Variants in CES1 observed in about 807,000 individuals in gnomAD.
CES1 encodes carboxylesterase 1, also known as liver carboxylesterase 1.
CES1 carries 50 observed loss-of-function variants against 53.0 expected under a neutral mutation model. That is an observed-to-expected ratio of 0.94 (90% CI 0.75 to 1.19). The LOEUF (loss-of-function observed/expected upper bound fraction) is 1.19. CES1 is among the 50% of genes most tolerant of loss of function. CES1 has a pLI of 0.00. For missense variants in CES1, 534 were observed against 538.0 expected (o/e 0.99, Z 0.07); for synonymous variants, 202 against 210.1 (o/e 0.96, Z 0.33).
At chr16:55,816,894 A>G in intron 8 of CES1, 30 bp downstream of exon 8, 1 of 1,611,980 alleles carries the variant, frequency 6.2e-7, no homozygotes, top group Non-Finnish European at 8.5e-7. Flanking sequence ...AAGACTCAAA[A>G]CCCGTAATCC....
intron 7 of CES1, among the ~76,000 whole-genome samples, chr16:55,817,491 G>A (rs2142328690): frequency 6.6e-6 from 1 of 152,316 alleles, no homozygotes; most frequent in Non-Finnish European, 1.5e-5. Context: ...ACTCACGCAA[G>A]CTCACTGAGT....
chr16:55,813,860 A>C (rs1321127903), intron 8 of CES1, among the ~76,000 whole-genome samples: 1 of 152,260 alleles, frequency 6.6e-6, no homozygotes, highest in African/African-American at 2.4e-5. Context: ...CGAAGAGGAC[A>C]CTTGTAAACA....
Position 55,828,770 on chromosome 16 carries a change from G to T in CES1, c.257C>A (p.Pro86His), listed in dbSNP as rs144498758. The change falls in exon 2 of 14, where the codon CCT (proline) becomes CAT (histidine). Residue 86 changes from proline (P) to histidine (H), a missense_variant. Physicochemically the swap from Pro to His is moderately conservative, Grantham distance 77. Around this residue, in one of 5 missense-constraint regions of CES1, gnomAD observed 164 missense variants for 162.4 expected, o/e 1.01. Transcript: ENST00000360526. Reference protein sequence around the residue: ...SFVKNATSYPPMCTQDPKAGQ... With the variant: ...SFVKNATSYPHMCTQDPKAGQ... ...AAGGACACATGCCGCAGCTTACATA[G>T]GAGGGTACGAGGTGGCATTCTTCAC... 2 of 1,613,424 alleles carry T rather than the reference G, an allele frequency of 1.2e-6. No homozygotes were observed. The highest frequency in any genetic ancestry group is 1.7e-6 in the Non-Finnish European group (2 of 1,179,294).
chr16:55,811,071 C>G, intron 9 of CES1, 61 bp from the exon 10 acceptor site: 16 of 1,392,600 alleles, frequency 1.1e-5, no homozygotes, highest in Non-Finnish European at 1.5e-5. Flanking sequence ...AAGAAACAAA[C>G]TGACCAACCA....
intron 7 of CES1, among the ~76,000 whole-genome samples, chr16:55,818,290 C>T (rs1404664088): frequency 1.3e-5 from 2 of 152,228 alleles, no homozygotes; most frequent in Non-Finnish European, 2.9e-5. Context: ...TCCTAAAGGT[C>T]CCCAAGTCCT....
rs149765979 is a variant in CES1 at position 55,826,350 on chromosome 16, T to C, written c.261-55A>G. ...GTTCAGCCAGATCTAAGCGAGGTGT[T>C]TTCTACGGCAGCGCCTTGGACTGGG... is the stretch of plus-strand genomic sequence containing the variant. On this transcript the variant is annotated intron_variant, in intron 2 of 13. Transcript: ENST00000360526. 1.3e-3 allele frequency: 2,136 copies of C among 1,605,518 alleles called. 19 individuals carry two copies. The African/African-American group carries it at 0.018, about 13-fold the overall frequency.
chr16:55,825,430 G>A (rs1297357291), intron 3 of CES1, among the ~76,000 whole-genome samples: 2 of 152,224 alleles, frequency 1.3e-5, no homozygotes, highest in Non-Finnish European at 2.9e-5. Context: ...GCTGCCCCAT[G>A]TCCTGCCCTT....
intron 3 of CES1, 35 bp downstream of exon 3, chr16:55,826,116 C>G (rs778331886): frequency 6.2e-7 from 1 of 1,613,702 alleles, no homozygotes; most frequent in African/African-American, 1.3e-5. Context: ...GGTACTGGCA[C>G]TGACACGCCT....
chr16:55,821,766 T>G (rs2032209085), intron 4 of CES1, among the ~76,000 whole-genome samples: 1 of 152,192 alleles, frequency 6.6e-6, no homozygotes, highest in African/African-American at 2.4e-5. Flanking sequence ...AGAGCACATC[T>G]GAGAGCAAAA....
At chr16:55,819,079 T>A (rs1189926277) in intron 7 of CES1, among the ~76,000 whole-genome samples, 1 of 152,220 alleles carries the variant, frequency 6.6e-6, no homozygotes, top group East Asian at 1.9e-4. Context: ...ATGACTATCC[T>A]AGGATGACAA....
rs752654924 is a variant in CES1, at chr16:55,811,045, A to G, written c.1087-35T>C. 8 of 1,532,674 alleles carry G rather than the reference A, an allele frequency of 5.2e-6. No homozygotes were observed. The African/African-American group carries it at 1.1e-4, about 21-fold the overall frequency. The allele number at this position is 1,532,674 out of a possible 1,614,324, so 94.9% of individuals were successfully genotyped here. A position where few individuals can be genotyped will look rare whatever the true frequency, so the allele number is the denominator to read the frequency against. Reference sequence around the variant, plus strand: ...AAAAAAAGTTCAGCATTTATGAATCATTGGGAATTAATGATAAGAAACAAA... The same window carrying G: ...AAAAAAAGTTCAGCATTTATGAATCGTTGGGAATTAATGATAAGAAACAAA... On this transcript the variant is annotated intron_variant, in intron 9 of 13. Coordinates refer to ENST00000360526, the MANE Select transcript of CES1 (RefSeq NM_001025195.2).
chr16:55,811,939 AGAG>A (rs1487767132), intron 9 of CES1, among the ~76,000 whole-genome samples: 1 of 152,176 alleles, frequency 6.6e-6, no homozygotes, highest in Non-Finnish European at 1.5e-5. Flanking sequence ...CCTAAAGATA[AGAG>A]GAGTTTGTTT....
chr16:55,812,192 G>C (rs1313909768), intron 9 of CES1: 3 of 153,394 alleles, frequency 2.0e-5, no homozygotes, highest in Non-Finnish European at 4.4e-5. Context: ...CAACTGGAAG[G>C]AGAACACTTC....
rs1359913396 is a variant in CES1, at chr16:55,830,623, T to C, written c.53-1649A>G. Among the ~76,000 whole-genome samples the C allele has an allele frequency of 2.0e-5, 3 of 151,864 alleles. No homozygotes were observed. In the East Asian group the frequency reaches 5.8e-4, roughly 29 times the overall value. On this transcript the variant is annotated intron_variant, in intron 1 of 13. Coordinates refer to ENST00000360526, the MANE Select transcript of CES1 (RefSeq NM_001025195.2). Reference sequence around the variant, plus strand: ...TTCAAGACCAGCCTGGCCAACATGGTGAAACCCCCTCTCTACTGAAAATAG... The same window carrying C: ...TTCAAGACCAGCCTGGCCAACATGGCGAAACCCCCTCTCTACTGAAAATAG...
intron 11 of CES1, among the ~76,000 whole-genome samples, chr16:55,808,886 G>GA (rs2031552838): frequency 6.6e-6 from 1 of 152,078 alleles, no homozygotes; most frequent in South Asian, 2.1e-4. Context: ...ATAGGACATG[G>GA]AAAATCTTTA....
intron 8 of CES1, among the ~76,000 whole-genome samples, chr16:55,814,819 G>A (rs1247721752): frequency 6.6e-6 from 1 of 152,244 alleles, no homozygotes; most frequent in Non-Finnish European, 1.5e-5. Context: ...TGGGGGAGAT[G>A]TTCTGAAAAG....
intron 9 of CES1, among the ~76,000 whole-genome samples, chr16:55,811,871 A>C (rs2031713780): frequency 6.6e-6 from 1 of 152,220 alleles, no homozygotes; most frequent in Admixed American, 6.5e-5. Flanking sequence ...GTCCCTGTCG[A>C]AAGAGTAGAG....
At chr16:55,822,509 G>A (rs71387104) in intron 4 of CES1, among the ~76,000 whole-genome samples, 2,243 of 152,284 alleles carry the variant, frequency 0.015, 33 homozygotes, top group Non-Finnish European at 0.023. Flanking sequence ...GGGAGGAGAA[G>A]GGGGTCTCTG....
chr16:55,810,513 T>G lies in CES1; in HGVS notation c.1318+4A>C. The G allele has an allele frequency of 6.2e-7, 1 of 1,614,140 alleles. No homozygotes were observed. The highest frequency in any genetic ancestry group is 8.5e-7 in the Non-Finnish European group (1 of 1,180,032). ...GTCCCTCCCGTTCGACCTCTGGGAC[T>G]CACCTCTGTGGTTCCGGGCCACAAT... is the stretch of plus-strand genomic sequence containing the variant. On this transcript the variant is annotated splice_donor_region_variant and intron_variant, in intron 11 of 13. Coordinates refer to ENST00000360526, the MANE Select transcript of CES1 (RefSeq NM_001025195.2).
Sources: gnomAD v4.1 joint callset for allele counts (sites outside exome capture counted in the v4.1 genomes callset) on GRCh38, gnomAD v4.1.1 for gene constraint, gnomAD v4.1.1 regional missense constraint, MANE v1.5 for transcripts, NCBI Gene and HGNC (gene_info 2026-07-23, HGNC 2026-07-21) for gene names.